The following EPC2 variants were observed in gnomAD, a reference collection of about 807,000 sequenced individuals.
EPC2 encodes the protein enhancer of polycomb homolog 2.
In EPC2, 14 loss-of-function variants were observed where a neutral mutation model predicts 92.1. That is an observed-to-expected ratio of 0.15 (90% CI 0.10 to 0.24). The LOEUF (loss-of-function observed/expected upper bound fraction) is 0.24. Ranked by LOEUF, EPC2 falls within the 10% of genes least tolerant of loss-of-function variation. The pLI is 1.00. For synonymous variants in EPC2, 340 were observed against 334.7 expected, an observed-to-expected ratio of 1.02 and a Z score of -0.17; for missense variants, 755 against 971.5, an observed-to-expected ratio of 0.78 and a Z score of 2.96.
At chr2:148,715,001 G>T (rs568725909) in intron 2 of EPC2, among the ~76,000 whole-genome samples, 1 of 148,208 alleles carries the variant, frequency 6.7e-6, no homozygotes, top group East Asian at 2.0e-4. Context: ...ATCCTGAATG[G>T]TATCGCCTAG....
chr2:148,651,940 G>A (rs1680696097), intron 1 of EPC2, among the ~76,000 whole-genome samples: 1 of 152,182 alleles, frequency 6.6e-6, no homozygotes, highest in Non-Finnish European at 1.5e-5. Flanking sequence ...TTTGCACTCA[G>A]GCTGATTGAC....
chr2:148,675,353 G>A (rs966490764), intron 1 of EPC2, among the ~76,000 whole-genome samples: 1 of 152,030 alleles, frequency 6.6e-6, no homozygotes, highest in Non-Finnish European at 1.5e-5. Flanking sequence ...GAGTATATTA[G>A]GTTTGGAGCA....
intron 1 of EPC2, among the ~76,000 whole-genome samples, chr2:148,683,491 C>G (rs1681453857): frequency 6.6e-6 from 1 of 152,096 alleles, no homozygotes. Flanking sequence ...TTGTCTCGAT[C>G]TCCTGATCTC....
chr2:148,691,890 C>A, intron 2 of EPC2: 1 of 548,958 alleles, frequency 1.8e-6, no homozygotes. Context: ...TATTCAGTAG[C>A]ATTCTATACT....
intron 3 of EPC2, 86 bp downstream of exon 3, chr2:148,743,853 T>C: frequency 9.5e-7 from 1 of 1,047,494 alleles, no homozygotes; most frequent in Non-Finnish European, 1.3e-6. Flanking sequence ...CATTTTACTG[T>C]TTCTTGGATT....
At position 148,781,761 on chromosome 2, in the gene EPC2, A is replaced by G. The variant is rs1340846796; in HGVS notation, c.1838A>G (p.Gln613Arg). The G allele has an allele frequency of 2.5e-6, 4 of 1,613,858 alleles. No individual in the cohort carries two copies. The highest frequency in any genetic ancestry group is 3.4e-6 in the Non-Finnish European group (4 of 1,179,876). The change falls in exon 11 of 14, where the codon CAG (glutamine) becomes CGG (arginine). Residue 613 changes from glutamine (Q) to arginine (R), a missense_variant. Gln to Arg is a conservative substitution (Grantham distance 43). Coordinates refer to ENST00000258484, the MANE Select transcript of EPC2 (RefSeq NM_015630.4). ...CAGCAATCTCAGCATTCCTCGCAAC[A>G]GACACATCCAAAAGCACAGGTAAAC... The part of the protein sequence containing the change: ...QKQQSQHSSQ[Q>R]THPKAQGSST...
chr2:148,744,999 C>G (rs1461470629), intron 3 of EPC2, among the ~76,000 whole-genome samples: 1 of 129,282 alleles, frequency 7.7e-6, no homozygotes, highest in African/African-American at 2.6e-5. Context: ...GCCCCCCCCC[C>G]CCGCACCATT....
At chr2:148,682,472 G>T (rs1681418459) in intron 1 of EPC2, among the ~76,000 whole-genome samples, 1 of 152,204 alleles carries the variant, frequency 6.6e-6, no homozygotes, top group African/African-American at 2.4e-5. Context: ...GGTTACTGGG[G>T]TGCATTGAGT....
chr2:148,710,932 A>G (rs1029659498), intron 2 of EPC2, among the ~76,000 whole-genome samples: 12 of 151,990 alleles, frequency 7.9e-5, no homozygotes, highest in Admixed American at 7.2e-4. Context: ...ATGCACGCAT[A>G]CACACACACA....
intron 1 of EPC2, among the ~76,000 whole-genome samples, chr2:148,672,102 G>A (rs1025647816): frequency 1.3e-5 from 2 of 152,092 alleles, no homozygotes; most frequent in African/African-American, 4.8e-5. Context: ...GTTGAGAGGT[G>A]TTTTGATTAC....
intron 3 of EPC2, among the ~76,000 whole-genome samples, chr2:148,746,623 T>C (rs1162721315): frequency 1.3e-5 from 2 of 152,126 alleles, no homozygotes; most frequent in African/African-American, 4.8e-5. Flanking sequence ...ATGAAGATTA[T>C]TTTTGAGTCA....
At chr2:148,767,403 T>C (rs1304916701) in intron 7 of EPC2, among the ~76,000 whole-genome samples, 2 of 152,100 alleles carry the variant, frequency 1.3e-5, no homozygotes. Flanking sequence ...CACATGAAAA[T>C]TGCATTTTGA....
Position 148,784,883 on chromosome 2 carries a change from C to T in EPC2, c.2233C>T (p.His745Tyr). 6.2e-7 allele frequency: 1 copy of T among 1,610,708 alleles called. No individual in the cohort carries two copies. The highest frequency in any genetic ancestry group is 8.5e-7 in the Non-Finnish European group (1 of 1,178,200). The stretch of plus-strand genomic sequence containing the variant: ...CAGTGTTGTTTCTCCAGTCAATGTG[C>T]ATATCAATACACGGACTTCAGCACC... ...NVSVVSPVNV[H>Y]INTRTSAPSP... Residue 745 changes from histidine to tyrosine, a missense_variant, in exon 13 of 14, where the codon CAT becomes TAT. Physicochemically the swap from His to Tyr is moderately conservative, Grantham distance 83. Around this residue, in one of 4 missense-constraint regions of EPC2, gnomAD observed 207 missense variants for 260.5 expected, o/e 0.79. Transcript: ENST00000258484.
At chr2:148,743,601 G>T (rs1346837679) in intron 2 of EPC2, 21 bp from the exon 3 acceptor site, 3 of 1,514,988 alleles carry the variant, frequency 2.0e-6, no homozygotes, top group African/African-American at 1.4e-5. Flanking sequence ...TGAGTTTGAA[G>T]AATTTTTCTT....
intron 1 of EPC2, among the ~76,000 whole-genome samples, chr2:148,680,104 T>TA (rs1553443461): frequency 1.3e-5 from 2 of 151,466 alleles, no homozygotes; most frequent in South Asian, 2.1e-4. Context: ...TTTTTTTTTT[T>TA]AAATGTTTCT....
chr2:148,687,479 G>A (rs1391537911), intron 1 of EPC2, among the ~76,000 whole-genome samples: 3 of 152,216 alleles, frequency 2.0e-5, no homozygotes, highest in African/African-American at 4.8e-5. Flanking sequence ...GCAGGTCTCC[G>A]TTCTCATGCC....
At chr2:148,728,260 C>T (rs1203474749) in intron 2 of EPC2, among the ~76,000 whole-genome samples, 1 of 152,046 alleles carries the variant, frequency 6.6e-6, no homozygotes, top group Non-Finnish European at 1.5e-5. Flanking sequence ...TATTTTTAAA[C>T]CTTATCTTAC....
At chr2:148,738,030 C>CT (rs1682801160) in intron 2 of EPC2, among the ~76,000 whole-genome samples, 1 of 152,138 alleles carries the variant, frequency 6.6e-6, no homozygotes, top group South Asian at 2.1e-4. Context: ...TTAGCATTCT[C>CT]TTTGTCTGCT....
chr2:148,784,997 G>A lies in EPC2; in HGVS notation c.2347G>A (p.Ala783Thr). ...VTPSSAISSI[A>T]RENHEPERLG... is the part of the protein sequence containing the mutation. ...TCCCAGCAGTGCCATCAGCAGCATA[G>A]CAAGGTGTGTGTGTGTGTTTCAGTG... Residue 783 changes from alanine (A) to threonine (T), a missense_variant, in exon 13 of 14, where the codon GCA (alanine) becomes ACA (threonine). By Grantham distance (58) the Ala-to-Thr change is moderately conservative. Around this residue, in one of 4 missense-constraint regions of EPC2, gnomAD observed 207 missense variants for 260.5 expected, o/e 0.79. Coordinates refer to ENST00000258484, the MANE Select transcript of EPC2 (RefSeq NM_015630.4). 6.6e-7 allele frequency: 1 copy of A among 1,512,776 alleles called. No individual in the cohort carries two copies. The highest frequency in any genetic ancestry group is 2.3e-5 in the East Asian group (1 of 43,018). 93.7% of individuals were successfully genotyped at this position (1,512,776 alleles called of 1,614,324 possible).
Sources: gnomAD v4.1 joint callset for allele counts (sites outside exome capture counted in the v4.1 genomes callset) on GRCh38, gnomAD v4.1.1 for gene constraint, gnomAD v4.1.1 regional missense constraint, MANE v1.5 for transcripts, NCBI Gene and HGNC (gene_info 2026-07-23, HGNC 2026-07-21) for gene names.